LNPK: variants seen among roughly 807,000 people sequenced by gnomAD.
The protein encoded by LNPK is endoplasmic reticulum junction formation protein lunapark.
A neutral mutation model predicts 55.2 loss-of-function variants in LNPK; 29 were observed. That is an observed-to-expected ratio of 0.53 (90% CI 0.39 to 0.72). The LOEUF is 0.72. Among genes scored for constraint, LNPK ranks in the 30% least tolerant of loss-of-function variants. The pLI is 0.00. For missense variants in LNPK, 467 were observed against 494.8 expected, an observed-to-expected ratio of 0.94 and a Z score of 0.53; for synonymous variants, 162 against 168.2, an observed-to-expected ratio of 0.96 and a Z score of 0.29.
chr2:175,930,607 G>A (rs959680026), intron 12 of LNPK, among the ~76,000 whole-genome samples: 3 of 124,536 alleles, frequency 2.4e-5, no homozygotes, highest in African/African-American at 9.3e-5. Flanking sequence ...TGAAGAAACT[G>A]TTTCCCTTGT....
intron 8 of LNPK, among the ~76,000 whole-genome samples, chr2:175,949,340 G>C (rs1241439184): frequency 6.6e-6 from 1 of 151,978 alleles, no homozygotes; most frequent in Non-Finnish European, 1.5e-5. Context: ...TTGCATATTA[G>C]GAAAGCCATT....
At chr2:175,997,468 C>A (rs748864498) in intron 1 of LNPK, among the ~76,000 whole-genome samples, 7 of 152,108 alleles carry the variant, frequency 4.6e-5, no homozygotes, top group African/African-American at 7.2e-5. Context: ...TTGTTATTCT[C>A]AAAATATACA....
At chr2:175,968,082 C>T (rs186972006) in intron 6 of LNPK, among the ~76,000 whole-genome samples, 93 of 152,144 alleles carry the variant, frequency 6.1e-4, no homozygotes, top group Middle Eastern at 3.4e-3. Context: ...GCCATAAATG[C>T]CCACAAAACT....
At position 175,928,372 on chromosome 2, in the gene LNPK, A is replaced by G. The variant is rs1684102163; in HGVS notation, c.*1595T>C. On this transcript the variant is annotated 3_prime_UTR_variant, in exon 13 of 13. Transcript: ENST00000272748. ...AAATAAACATAACTCTTCCCATTTT[A>G]CAGATGAAAAAATAATCTCAGTGAG... 6.6e-6 allele frequency: 1 copy of G among 152,052 alleles called. No individual in the cohort carries two copies. The highest frequency in any genetic ancestry group is 2.4e-5 in the African/African-American group (1 of 41,388). The allele number at this position is 152,052 out of a possible 1,614,324, so 9.4% of individuals were successfully genotyped here.
chr2:175,994,717 A>G (rs1181075861), intron 2 of LNPK, among the ~76,000 whole-genome samples: 2 of 151,778 alleles, frequency 1.3e-5, no homozygotes, highest in African/African-American at 2.4e-5. Flanking sequence ...ACGGGGTTAT[A>G]TAATTTATAC....
In LNPK at chr2:175,924,969, C is replaced by A. The variant is rs896942493; in HGVS notation, c.*4998G>T. The A allele has an allele frequency of 6.6e-6, 1 of 152,110 alleles. No individual in the cohort carries two copies. Among genetic ancestry groups the A allele is most frequent in the African/African-American group, 2.4e-5 (1 of 41,436 alleles). The allele number at this position is 152,110 out of a possible 1,614,324, so 9.4% of individuals were successfully genotyped here. A position where few individuals can be genotyped will look rare whatever the true frequency, so the allele number is the denominator to read the frequency against. On this transcript the variant is annotated 3_prime_UTR_variant, in exon 13 of 13. Transcript: ENST00000272748. ...ACTGCAAGGACAACGCCAAGACATTCATGAGGGATCCGCTCCATGCTCAAA... is the reference window on the plus strand; with the variant it reads ...ACTGCAAGGACAACGCCAAGACATTAATGAGGGATCCGCTCCATGCTCAAA...
chr2:175,976,297 G>C (rs910882874), intron 5 of LNPK, among the ~76,000 whole-genome samples: 2 of 152,212 alleles, frequency 1.3e-5, no homozygotes, highest in Non-Finnish European at 2.9e-5. Context: ...TAATGAATTA[G>C]AACTGTAGTA....
intron 8 of LNPK, among the ~76,000 whole-genome samples, chr2:175,963,387 G>A (rs1686162193): frequency 6.6e-6 from 1 of 152,056 alleles, no homozygotes; most frequent in South Asian, 2.1e-4. Context: ...AAAAAATGAT[G>A]AGTTCATGTC....
At chr2:175,984,370 T>C (rs72912959) in intron 4 of LNPK, among the ~76,000 whole-genome samples, 9,255 of 151,796 alleles carry the variant, frequency 0.061, 326 homozygotes, top group Admixed American at 0.12. Flanking sequence ...AGAGACGAGG[T>C]TTCACATGTT....
chr2:175,940,555 A>G (rs1450753725), intron 9 of LNPK, among the ~76,000 whole-genome samples: 2 of 152,192 alleles, frequency 1.3e-5, no homozygotes, highest in East Asian at 3.9e-4. Flanking sequence ...AAGTATTCAG[A>G]AGAGTACTGT....
chr2:175,937,982 TA>T, intron 11 of LNPK: 1 of 192,340 alleles, frequency 5.2e-6, no homozygotes. Context: ...TGCAGAGCTT[TA>T]AAAAATATAC....
At chr2:175,978,791 T>A (rs939062802) in intron 5 of LNPK, among the ~76,000 whole-genome samples, 1 of 152,214 alleles carries the variant, frequency 6.6e-6, no homozygotes, top group African/African-American at 2.4e-5. Context: ...GTTTTGCCAG[T>A]CATTGATTAG....
At chr2:175,952,252 T>C (rs1024115090) in intron 8 of LNPK, among the ~76,000 whole-genome samples, 4 of 151,928 alleles carry the variant, frequency 2.6e-5, no homozygotes, top group Non-Finnish European at 5.9e-5. Flanking sequence ...TTTCAGAAAT[T>C]GGATTTTAGT....
chr2:175,998,501 CATA>C (rs954937255), intron 1 of LNPK, among the ~76,000 whole-genome samples: 8 of 147,132 alleles, frequency 5.4e-5, no homozygotes, highest in African/African-American at 1.5e-4. Flanking sequence ...CAGAGCCAAA[CATA>C]ATATTTTAGT....
chr2:175,935,783 T>C, intron 12 of LNPK: 7 of 959,798 alleles, frequency 7.3e-6, no homozygotes, highest in Non-Finnish European at 8.7e-6. Flanking sequence ...TCTGGGGTAT[T>C]GCTCCTCCTA....
chr2:175,965,287 T>C (rs1295923662), intron 6 of LNPK, among the ~76,000 whole-genome samples: 3 of 152,210 alleles, frequency 2.0e-5, no homozygotes, highest in Non-Finnish European at 4.4e-5. Context: ...ACGTTTTATT[T>C]ACCATGCACT....
intron 9 of LNPK, among the ~76,000 whole-genome samples, chr2:175,942,219 C>T (rs1318273520): frequency 2.0e-5 from 3 of 152,126 alleles, no homozygotes; most frequent in Non-Finnish European, 2.9e-5. Context: ...AGATAACTGA[C>T]TGCACTCTAT....
At chr2:175,981,129 G>A (rs1288898359) in intron 4 of LNPK, among the ~76,000 whole-genome samples, 7 of 152,124 alleles carry the variant, frequency 4.6e-5, no homozygotes, top group Admixed American at 6.5e-5. Flanking sequence ...ACACCATTGT[G>A]TAGTCCTCTC....
At chr2:175,980,594 T>A (rs1687123828) in intron 4 of LNPK, among the ~76,000 whole-genome samples, 1 of 152,146 alleles carries the variant, frequency 6.6e-6, no homozygotes, top group African/African-American at 2.4e-5. Context: ...ATACCTCTTC[T>A]CCATAGAACC....
Sources: gnomAD v4.1 joint callset for allele counts (sites outside exome capture counted in the v4.1 genomes callset) on GRCh38, gnomAD v4.1.1 for gene constraint, MANE v1.5 for transcripts, NCBI Gene and HGNC (gene_info 2026-07-23, HGNC 2026-07-21) for gene names.